Variants in MCM5 observed in about 807,000 individuals in gnomAD.
MCM5 encodes the protein minichromosome maintenance complex component 5.
MCM5 carries 46 observed loss-of-function variants against 79.9 expected under a neutral mutation model. That is an observed-to-expected ratio of 0.58 (90% confidence interval 0.45 to 0.74). The LOEUF (loss-of-function observed/expected upper bound fraction) is 0.74. MCM5 is among the 30% of genes least tolerant of loss of function. The pLI, the probability that MCM5 is intolerant of heterozygous loss-of-function variation, is 0.00. For synonymous variants in MCM5, 404 were observed against 390.5 expected (o/e 1.03, Z -0.41); for missense variants, 883 against 1,017.0 (o/e 0.87, Z 1.79).
rs1301063170 is a variant in MCM5, at chr22:35,408,515, C to T, written c.704C>T (p.Ala235Val). The change falls in exon 6 of 17, where the codon GCA becomes GTA. Residue 235 changes from alanine to valine, a missense_variant. Transcript: ENST00000216122. ...CTGAAGCTGCAGGAGCTGCCTGATG[C>T]AGTCCCCCACGGGGAGATGCCCAGA... ...QTLKLQELPDAVPHGEMPRHM... is the reference protein window; with the variant it reads ...QTLKLQELPDVVPHGEMPRHM... The T allele has an allele frequency of 3.7e-6, 6 of 1,614,152 alleles. No individual in the cohort carries two copies. The highest frequency in any genetic ancestry group is 5.1e-6 in the Non-Finnish European group (6 of 1,180,006).
rs1419489475 is a variant in MCM5, at chr22:35,413,929, C to T, written c.1146C>T (p.Asp382=). ...RGDINLLMLG[D]PGTAKSQLLK... ...ACATCAACCTGCTGATGCTAGGGGA[C>T]CCTGGGACAGCCAAGTCCCAGCTTC... is the stretch of plus-strand genomic sequence containing the variant. Residue 382 remains aspartate (D), a synonymous_variant, in exon 9 of 17, where the codon GAC becomes GAT. Transcript: ENST00000216122. 1 of 1,614,154 alleles carries T rather than the reference C, an allele frequency of 6.2e-7. No individual in the cohort carries two copies. Among genetic ancestry groups the T allele is most frequent in the South Asian group, 1.1e-5 (1 of 91,086 alleles).
Position 35,417,650 on chromosome 22 carries a change from G to A in MCM5, c.1591-94G>A, listed in dbSNP as rs1047359792. 1.2e-5 allele frequency: 10 copies of A among 850,366 alleles called. No individual in the cohort carries two copies. The African/African-American group carries it at 1.7e-4, about 14-fold the overall frequency. The allele number at this position is 850,366 out of a possible 1,614,324, so 52.7% of individuals were successfully genotyped here. On this transcript the variant is annotated intron_variant, in intron 12 of 16. Coordinates refer to ENST00000216122, the MANE Select transcript of MCM5 (RefSeq NM_006739.4). Reference sequence around the variant, plus strand: ...CCCTTTCCGGCTCCTTGATGCCAGGGCCCCATCAGCTCTTTCTGGCTGTTC... The same window carrying A: ...CCCTTTCCGGCTCCTTGATGCCAGGACCCCATCAGCTCTTTCTGGCTGTTC...
chr22:35,423,187 G>T (rs2307342), intron 15 of MCM5, 27 bp from the exon 16 acceptor site: 2 of 1,531,768 alleles, frequency 1.3e-6, no homozygotes, highest in East Asian at 2.4e-5. Context: ...CCAGCTCCCC[G>T]GCTGCCTCAC....
Position 35,406,499 on chromosome 22 carries a change from C to G in MCM5, c.424-54C>G, listed in dbSNP as rs1932219196. Reference sequence around the variant, plus strand: ...GCCCAGGATATTTACTGGCATATCTCAGATGCGTCCTGGCTCCCCTTAACC... The same window carrying G: ...GCCCAGGATATTTACTGGCATATCTGAGATGCGTCCTGGCTCCCCTTAACC... On this transcript the variant is annotated intron_variant, in intron 4 of 16. Transcript: ENST00000216122. 2.0e-6 allele frequency: 3 copies of G among 1,537,850 alleles called. No homozygotes were observed. In the East Asian group the frequency reaches 6.8e-5, roughly 35 times the overall value.
chr22:35,451,290 C>T, the MCM5 span, among the ~76,000 whole-genome samples: 4 of 152,086 alleles, frequency 2.6e-5, no homozygotes, highest in Non-Finnish European at 5.9e-5. Context: ...GACGGGAGAA[C>T]CAGCAGAGAA....
chr22:35,431,274 G>A, the MCM5 span, among the ~76,000 whole-genome samples: 3 of 152,168 alleles, frequency 2.0e-5, no homozygotes, highest in African/African-American at 4.8e-5. Context: ...GGGTATCCTC[G>A]TCCTGGGTTA....
chr22:35,422,694 T>C (rs1258434890), intron 15 of MCM5: 1 of 152,290 alleles, frequency 6.6e-6, no homozygotes, highest in Admixed American at 6.5e-5. Flanking sequence ...TTCTTGACCA[T>C]GAGCCCACCA....
Position 35,400,183 on chromosome 22 carries a change from G to A in MCM5, c.-34G>A. The A allele has an allele frequency of 2.0e-6, 1 of 512,034 alleles. No homozygotes were observed. Among genetic ancestry groups the A allele is most frequent in the East Asian group, 3.6e-5 (1 of 28,044 alleles). 31.7% of individuals were successfully genotyped at this position (512,034 alleles called of 1,614,324 possible). ...GAGCGTGGAGGTTCTTGTCTCCCCT[G>A]GTTTGTGAAGTGCGGAAAACCAGAG... On this transcript the variant is annotated 5_prime_UTR_variant, in exon 1 of 17. Transcript: ENST00000216122.
rs1204391598 is a variant in MCM5, at chr22:35,413,903, G to A, written c.1120G>A (p.Asp374Asn). 6.2e-7 allele frequency: 1 copy of A among 1,613,692 alleles called. No homozygotes were observed. The change falls in exon 9 of 17, where the codon GAC becomes AAC. Residue 374 changes from aspartate (D) to asparagine (N), a missense_variant. Transcript: ENST00000216122. Reference sequence around the variant, plus strand: ...CCCTGATGGACTTACTCGCCGAGGAGACATCAACCTGCTGATGCTAGGGGA... The same window carrying A: ...CCCTGATGGACTTACTCGCCGAGGAAACATCAACCTGCTGATGCTAGGGGA... ...RLPDGLTRRGDINLLMLGDPG... is the reference protein window; with the variant it reads ...RLPDGLTRRGNINLLMLGDPG...
At chr22:35,416,041 G>C in intron 10 of MCM5, 69 bp downstream of exon 10, 1 of 1,565,856 alleles carries the variant, frequency 6.4e-7, no homozygotes, top group South Asian at 1.1e-5. Flanking sequence ...CCTGTGCTCA[G>C]CCAGCAGAAA....
rs761749738 is a variant in MCM5 at position 35,416,767 on chromosome 22, G to A, written c.1543G>A (p.Asp515Asn). Reference protein sequence around the residue: ...DFMPTILSRFDMIFIVKDEHN... With the variant: ...DFMPTILSRFNMIFIVKDEHN... ...CATGCCCACCATCTTGTCGCGCTTC[G>A]ACATGATCTTCATCGTCAAGGATGA... The change falls in exon 12 of 17, where the codon GAC becomes AAC. Residue 515 changes from aspartate to asparagine, a missense_variant. Coordinates refer to ENST00000216122, the MANE Select transcript of MCM5 (RefSeq NM_006739.4). 5 of 1,613,982 alleles carry A rather than the reference G, an allele frequency of 3.1e-6. No homozygotes were observed. Among genetic ancestry groups the A allele is most frequent in the South Asian group, 1.1e-5 (1 of 91,074 alleles).
At chr22:35,446,501 A>G in the MCM5 span, among the ~76,000 whole-genome samples, 1 of 152,128 alleles carries the variant, frequency 6.6e-6, no homozygotes, top group Non-Finnish European at 1.5e-5. Flanking sequence ...GCACCCTGGA[A>G]GTGAATGAGC....
chr22:35,408,779 A>G (rs1384898089), intron 6 of MCM5, among the ~76,000 whole-genome samples: 2 of 152,214 alleles, frequency 1.3e-5, no homozygotes, highest in Non-Finnish European at 2.9e-5. Flanking sequence ...CATTTTGCAG[A>G]TGAGGAAATG....
At position 35,403,231 on chromosome 22, in the gene MCM5, C is replaced by T. The variant is rs776452657; in HGVS notation, c.192C>T (p.Asn64=). The T allele has an allele frequency of 5.0e-6, 8 of 1,614,114 alleles. No individual in the cohort carries two copies. The highest frequency in any genetic ancestry group is 6.8e-6 in the Non-Finnish European group (8 of 1,180,026). The change falls in exon 3 of 17, where the codon AAC becomes AAT. Residue 64 remains asparagine (N), a synonymous_variant. Coordinates refer to ENST00000216122, the MANE Select transcript of MCM5 (RefSeq NM_006739.4). ...GGGATGAACTCAAGCGGCATTACAA[C>T]CTGGGGGAGTACTGGATTGAGGTGG... ...KYRDELKRHY[N]LGEYWIEVEM... is the part of the protein sequence containing the mutation.
At chr22:35,408,320 C>T (rs898729886) in intron 5 of MCM5, 88 bp from the exon 6 acceptor site, 34 of 1,326,656 alleles carry the variant, frequency 2.6e-5, no homozygotes, top group African/African-American at 1.8e-4. Context: ...CCGCTGGCAA[C>T]GTCTCCTTGC....
Position 35,410,601 on chromosome 22 carries a change from G to T in MCM5, c.753-143G>T, listed in dbSNP as rs756350703. Reference sequence around the variant, plus strand: ...GAGAGGCCGTTCTCTGGGCTCCGTGGGGCTGGAGCCAGCTCAGCATGTGGT... The same window carrying T: ...GAGAGGCCGTTCTCTGGGCTCCGTGTGGCTGGAGCCAGCTCAGCATGTGGT... On this transcript the variant is annotated intron_variant, in intron 6 of 16. Coordinates refer to ENST00000216122, the MANE Select transcript of MCM5 (RefSeq NM_006739.4). 7 of 780,166 alleles carry T rather than the reference G, an allele frequency of 9.0e-6. No homozygotes were observed. In the Admixed American group the frequency reaches 1.1e-4, roughly 12 times the overall value. The allele number at this position is 780,166 out of a possible 1,614,324, so 48.3% of individuals were successfully genotyped here.
chr22:35,400,170 T>C lies in MCM5; in HGVS notation c.-47T>C. 2.2e-6 allele frequency: 1 copy of C among 463,454 alleles called. No homozygotes were observed. The highest frequency in any genetic ancestry group is 2.3e-5 in the South Asian group (1 of 44,436). The allele number at this position is 463,454 out of a possible 1,614,324, so 28.7% of individuals were successfully genotyped here. On this transcript the variant is annotated 5_prime_UTR_variant, in exon 1 of 17. Coordinates refer to ENST00000216122, the MANE Select transcript of MCM5 (RefSeq NM_006739.4). The stretch of plus-strand genomic sequence containing the variant: ...AAACTCGGCGGCTGAGCGTGGAGGT[T>C]CTTGTCTCCCCTGGTTTGTGAAGTG...
At position 35,400,547 on chromosome 22, in the gene MCM5, G is replaced by A. The variant is rs1241732679; in HGVS notation, c.109G>A (p.Glu37Lys). 1.2e-6 allele frequency: 2 copies of A among 1,614,018 alleles called. No individual in the cohort carries two copies. Among genetic ancestry groups the A allele is most frequent in the East Asian group, 4.5e-5 (2 of 44,850 alleles). Residue 37 changes from glutamate (E) to lysine (K), a missense_variant, in exon 2 of 17, where the codon GAG (glutamate) becomes AAG (lysine). Coordinates refer to ENST00000216122, the MANE Select transcript of MCM5 (RefSeq NM_006739.4). Reference sequence around the variant, plus strand: ...ATCGCAGCTGCAGAGGCGCTTCAAGGAGTTCCTGCGGCAGTACCGAGTGGG... The same window carrying A: ...ATCGCAGCTGCAGAGGCGCTTCAAGAAGTTCCTGCGGCAGTACCGAGTGGG... ...RKSQLQRRFK[E>K]FLRQYRVGTD...
At chr22:35,451,842 G>A in the MCM5 span, among the ~76,000 whole-genome samples, 5 of 152,218 alleles carry the variant, frequency 3.3e-5, no homozygotes, top group African/African-American at 7.2e-5. Flanking sequence ...TGAGGCCTGC[G>A]GGTGGTAAGG....
Sources: gnomAD v4.1 joint callset for allele counts (sites outside exome capture counted in the v4.1 genomes callset) on GRCh38, gnomAD v4.1.1 for gene constraint, MANE v1.5 for transcripts, NCBI Gene and HGNC (gene_info 2026-07-23, HGNC 2026-07-21) for gene names.